Variants in THTPA observed in about 807,000 individuals in gnomAD.
The protein encoded by THTPA is thiamine-triphosphatase.
THTPA carries 16 observed loss-of-function variants against 16.5 expected under a neutral mutation model. That is an observed-to-expected ratio of 0.97 (90% confidence interval 0.66 to 1.47). THTPA has a LOEUF of 1.47. Among genes scored for constraint, THTPA ranks in the 40% most tolerant of loss-of-function variants. The probability of loss-of-function intolerance (pLI) is 0.00; values close to 1 mark genes in which losing one functional copy is unlikely to be tolerated. For synonymous variants in THTPA, 110 were observed against 115.5 expected (o/e 0.95, Z 0.30); for missense variants, 281 against 280.9 (o/e 1.00, Z 0.00).
At chr14:23,542,027 T>G in the THTPA span, 3 of 152,044 alleles carry the variant, frequency 2.0e-5, no homozygotes, top group African/African-American at 7.3e-5. Context: ...AAAGGAGTGT[T>G]GTAAAGGGCA....
At chr14:23,526,346 G>A in the THTPA span, 1 of 1,536,280 alleles carries the variant, frequency 6.5e-7, no homozygotes, top group Non-Finnish European at 8.7e-7. Context: ...CTGGGTGAAG[G>A]ACTCCTTACA....
chr14:23,527,806 T>C, the THTPA span: 1 of 1,534,026 alleles, frequency 6.5e-7, no homozygotes, highest in African/African-American at 1.4e-5. Context: ...GCAGTATACC[T>C]GGAGGGAACA....
chr14:23,525,519 C>T, the THTPA span: 36 of 1,535,436 alleles, frequency 2.3e-5, no homozygotes, highest in South Asian at 6.0e-5. The surrounding 1 kb of genome is among the most constrained non-coding windows in gnomAD (Gnocchi z 5.9). Flanking sequence ...TCCCCACCCC[C>T]GAGGGCCTCA....
In THTPA at chr14:23,560,010, G is replaced by T. The variant is rs1168220735; in HGVS notation, c.*1170G>T. Reference sequence around the variant, plus strand: ...CCCGAGCTGGAACTGTGTTCCCACTGGGGGCCTGCAGCTGCAGCTGGAGAC... The same window carrying T: ...CCCGAGCTGGAACTGTGTTCCCACTTGGGGCCTGCAGCTGCAGCTGGAGAC... On this transcript the variant is annotated 3_prime_UTR_variant, in exon 2 of 2. Coordinates refer to ENST00000288014, the MANE Select transcript of THTPA (RefSeq NM_024328.6). The T allele has an allele frequency of 3.7e-6, 6 of 1,609,784 alleles. No homozygotes were observed. Among genetic ancestry groups the T allele is most frequent in the Non-Finnish European group, 5.1e-6 (6 of 1,177,274 alleles).
At chr14:23,527,070 T>C in the THTPA span, 1 of 1,392,266 alleles carries the variant, frequency 7.2e-7, no homozygotes. Context: ...TGTGCCGAGA[T>C]CCCTTGCCAC....
chr14:23,530,054 T>C, the THTPA span: 2 of 1,394,846 alleles, frequency 1.4e-6, no homozygotes, highest in South Asian at 1.2e-5. Context: ...GGCTCCTGGA[T>C]TACTGCAAGG....
At chr14:23,519,985 G>C in the THTPA span, among the ~76,000 whole-genome samples, 40 of 152,290 alleles carry the variant, frequency 2.6e-4, no homozygotes, top group African/African-American at 9.6e-4. Context: ...GAATTTTGCA[G>C]ACTTTTCTTT....
chr14:23,520,158 A>G, the THTPA span, among the ~76,000 whole-genome samples: 7,237 of 152,052 alleles, frequency 0.048, 458 homozygotes, highest in East Asian at 0.22. This position sits in a 1 kb window ranked among gnomAD's most constrained non-coding sequence, Gnocchi z 8.7. Context: ...TCAAAGATTG[A>G]CCTGTGCTTC....
At chr14:23,520,324 G>C in the THTPA span, among the ~76,000 whole-genome samples, 2 of 151,948 alleles carry the variant, frequency 1.3e-5, no homozygotes, top group African/African-American at 4.8e-5. This position sits in a 1 kb window ranked among gnomAD's most constrained non-coding sequence, Gnocchi z 8.7. Flanking sequence ...CAGGAGCAAG[G>C]GCAGAGGACA....
At chr14:23,522,120 G>A in the THTPA span, 132 of 1,532,150 alleles carry the variant, frequency 8.6e-5, 1 homozygote, top group South Asian at 6.9e-4. Context: ...GCTGCCTTGC[G>A]CCTGTGGGCC....
At chr14:23,555,406 C>G (rs889044688), upstream of THTPA, among the ~76,000 whole-genome samples, 4 of 152,204 alleles carry the variant, frequency 2.6e-5, no homozygotes, top group African/African-American at 9.7e-5. Flanking sequence ...GCTTTTCCCT[C>G]AACTGCATTT....
chr14:23,542,635 A>G, the THTPA span, among the ~76,000 whole-genome samples: 1 of 152,172 alleles, frequency 6.6e-6, no homozygotes, highest in African/African-American at 2.4e-5. Context: ...CTTCTTCTGT[A>G]TGAGCACTCA....
the THTPA span, among the ~76,000 whole-genome samples, chr14:23,542,619 G>A: frequency 4.4e-4 from 67 of 152,264 alleles, no homozygotes; most frequent in East Asian, 3.5e-3. Context: ...GAACCAGCTC[G>A]GAACCCTTCT....
chr14:23,552,299 T>TG (rs1343600170), upstream of THTPA, among the ~76,000 whole-genome samples: 64 of 151,286 alleles, frequency 4.2e-4, 1 homozygote, highest in South Asian at 0.013. Flanking sequence ...TTTTTTTTTT[T>TG]TTTTTTTTTC....
chr14:23,520,720 A>G, the THTPA span: 4 of 147,630 alleles, frequency 2.7e-5, no homozygotes, highest in Non-Finnish European at 5.9e-5. This position sits in a 1 kb window ranked among gnomAD's most constrained non-coding sequence, Gnocchi z 8.7. Flanking sequence ...CCCTTCGAGG[A>G]CCACCAGACC....
the THTPA span, among the ~76,000 whole-genome samples, chr14:23,536,061 C>A: frequency 6.6e-6 from 1 of 152,150 alleles, no homozygotes; most frequent in Non-Finnish European, 1.5e-5. Context: ...TCAATCCCTC[C>A]ATTTATCTCC....
upstream of THTPA, among the ~76,000 whole-genome samples, chr14:23,551,911 A>T (rs1181904179): frequency 6.6e-6 from 1 of 152,158 alleles, no homozygotes; most frequent in Admixed American, 6.6e-5. This position sits in a 1 kb window ranked among gnomAD's most constrained non-coding sequence, Gnocchi z 5.3. Context: ...CCAGCCCACC[A>T]GGTCGCCTCC....
chr14:23,524,931 C>A, the THTPA span: 1 of 1,536,278 alleles, frequency 6.5e-7, no homozygotes, highest in African/African-American at 1.4e-5. The surrounding 1 kb of genome is among the most constrained non-coding windows in gnomAD (Gnocchi z 5.6). Context: ...CGCCTGCAGC[C>A]GGAGGCTCCC....
At chr14:23,526,788 G>T in the THTPA span, 1 of 1,525,690 alleles carries the variant, frequency 6.6e-7, no homozygotes, top group Admixed American at 2.0e-5. Flanking sequence ...TTCAGACCTT[G>T]TTGGCCCATG....
Sources: allele counts gnomAD v4.1 joint callset (sites outside exome capture counted in the v4.1 genomes callset), GRCh38; gene constraint gnomAD v4.1.1; non-coding constraint Gnocchi (gnomAD v3.1); transcripts MANE v1.5; gene names NCBI Gene and HGNC (gene_info 2026-07-23, HGNC 2026-07-21).